Variants in HEG1 observed in about 807,000 individuals in gnomAD.
HEG1 encodes the protein protein HEG homolog 1.
HEG1 carries 56 observed loss-of-function variants against 125.6 expected under a neutral mutation model. The ratio of observed to expected loss-of-function variants is 0.45; its 90% CI spans 0.36 to 0.56. The LOEUF is 0.56. HEG1 is among the 20% of genes least tolerant of loss of function. HEG1 has a pLI of 0.00. For synonymous variants in HEG1, 644 were observed against 668.5 expected (o/e 0.96, Z 0.57); for missense variants, 1,523 against 1,670.0 (o/e 0.91, Z 1.53).
intron 14 of HEG1, among the ~76,000 whole-genome samples, chr3:124,981,858 A>G (rs1001345454): frequency 2.2e-4 from 33 of 152,114 alleles, no homozygotes; most frequent in African/African-American, 6.0e-4. Context: ...ATATGCACAC[A>G]CACACACACA....
chr3:125,008,996 G>T (rs887775286), intron 8 of HEG1, among the ~76,000 whole-genome samples: 1 of 152,212 alleles, frequency 6.6e-6, no homozygotes, highest in Non-Finnish European at 1.5e-5. Flanking sequence ...AACCCGTTAC[G>T]TAAGCTTGGC....
chr3:124,994,371 C>T (rs1300996955), intron 12 of HEG1, among the ~76,000 whole-genome samples: 2 of 152,202 alleles, frequency 1.3e-5, no homozygotes, highest in African/African-American at 4.8e-5. Flanking sequence ...GGTATTCTGA[C>T]CACAGAGCAC....
chr3:125,050,350 G>A (rs1937777460), intron 1 of HEG1, among the ~76,000 whole-genome samples: 1 of 152,046 alleles, frequency 6.6e-6, no homozygotes, highest in Admixed American at 6.5e-5. Context: ...CACCATGTTG[G>A]CCAGGCTGGT....
intron 14 of HEG1, among the ~76,000 whole-genome samples, chr3:124,984,486 C>T (rs576780863): frequency 3.9e-5 from 6 of 152,248 alleles, no homozygotes; most frequent in Admixed American, 1.3e-4. Flanking sequence ...GGGCCAGGCA[C>T]GGTGGCTCAT....
chr3:125,036,568 C>T (rs974764049), intron 1 of HEG1, among the ~76,000 whole-genome samples: 5 of 152,154 alleles, frequency 3.3e-5, no homozygotes, highest in African/African-American at 1.2e-4. Context: ...GGGTAAATGT[C>T]TGCAGTGCCT....
Position 125,013,573 on chromosome 3 carries a change from G to C in HEG1, c.2006C>G (p.Ser669Cys). The change falls in exon 6 of 17, where the codon TCT becomes TGT. Residue 669 changes from serine (S) to cysteine (C), a missense_variant. Physicochemically the swap from Ser to Cys is moderately radical, Grantham distance 112. Coordinates refer to ENST00000311127, the MANE Select transcript of HEG1 (RefSeq NM_020733.2). Reference protein sequence around the residue: ...SSSSSSSSSSSSSSGPPLPLP... With the variant: ...SSSSSSSSSSCSSSGPPLPLP... ...AGGCAAAGGAGGCCCTGAAGAAGAA[G>C]AAGAGGAGGAGGAGGAAGAGGAGGA... The C allele has an allele frequency of 6.3e-7, 1 of 1,595,964 alleles. No homozygotes were observed. The highest frequency in any genetic ancestry group is 1.1e-5 in the South Asian group (1 of 88,940).
At chr3:125,030,726 C>G (rs931258813) in intron 1 of HEG1, among the ~76,000 whole-genome samples, 4 of 152,138 alleles carry the variant, frequency 2.6e-5, no homozygotes, top group African/African-American at 9.7e-5. Context: ...TCCTCTTATA[C>G]TTCCCATTTT....
intron 4 of HEG1, among the ~76,000 whole-genome samples, chr3:125,020,583 T>C (rs1468344555): frequency 6.6e-6 from 1 of 152,164 alleles, no homozygotes; most frequent in Non-Finnish European, 1.5e-5. Flanking sequence ...CTCAGAGCCG[T>C]AGTTTTCTCA....
At chr3:124,970,974 C>A in intron 16 of HEG1, 173 bp from the exon 17 acceptor site, 1 of 654,328 alleles carries the variant, frequency 1.5e-6, no homozygotes, top group Non-Finnish European at 2.6e-6. Flanking sequence ...CTCTGGAGCA[C>A]AACCCACTTT....
At chr3:125,040,763 G>A (rs983022279) in intron 1 of HEG1, among the ~76,000 whole-genome samples, 1 of 151,410 alleles carries the variant, frequency 6.6e-6, no homozygotes, top group Non-Finnish European at 1.5e-5. Flanking sequence ...TCCCCTTTGA[G>A]TATGATGGAT....
At chr3:125,021,497 C>T (rs1937335716) in intron 3 of HEG1, among the ~76,000 whole-genome samples, 3 of 152,282 alleles carry the variant, frequency 2.0e-5, no homozygotes, top group South Asian at 2.1e-4. Context: ...TTATTTTGTT[C>T]TGCTTTGTTT....
chr3:125,005,274 G>C lies in HEG1; in HGVS notation c.3288C>G (p.Ile1096Met). The change falls in exon 9 of 17, where the codon ATC (isoleucine) becomes ATG (methionine). Residue 1096 changes from isoleucine to methionine, a missense_variant. Physicochemically the swap from Ile to Met is conservative, Grantham distance 10. Coordinates refer to ENST00000311127, the MANE Select transcript of HEG1 (RefSeq NM_020733.2). ...CATTCAGGACACTTACCGTTTTGGTGATCTCATTTTCAACTTCTTGTAGGT... is the reference window on the plus strand; with the variant it reads ...CATTCAGGACACTTACCGTTTTGGTCATCTCATTTTCAACTTCTTGTAGGT... ...HSDLQEVENE[I>M]TKTLNMCFSA... 1 of 1,582,638 alleles carries C rather than the reference G, an allele frequency of 6.3e-7. No homozygotes were observed.
At chr3:124,994,470 T>C (rs1215230747) in intron 12 of HEG1, among the ~76,000 whole-genome samples, 1 of 152,098 alleles carries the variant, frequency 6.6e-6, no homozygotes, top group Non-Finnish European at 1.5e-5. Context: ...ATTCAAGTCT[T>C]CTGGACTTAA....
chr3:125,051,228 T>G (rs544545956), intron 1 of HEG1, among the ~76,000 whole-genome samples: 1 of 152,184 alleles, frequency 6.6e-6, no homozygotes, highest in Admixed American at 6.5e-5. Flanking sequence ...TTTTAAAAAA[T>G]TTTTACTCAA....
In HEG1 at chr3:124,970,513, C is replaced by A. The variant is rs530223710; in HGVS notation, c.*139G>T. On this transcript the variant is annotated 3_prime_UTR_variant, in exon 17 of 17. Coordinates refer to ENST00000311127, the MANE Select transcript of HEG1 (RefSeq NM_020733.2). ...ACCTGTCTCCTCCACTGTGGTCACGCCCCGCATGCCTGTCCCTCTTCCTGC... is the reference window on the plus strand; with the variant it reads ...ACCTGTCTCCTCCACTGTGGTCACGACCCGCATGCCTGTCCCTCTTCCTGC... The A allele has an allele frequency of 8.8e-6, 6 of 684,520 alleles. No individual in the cohort carries two copies. Among genetic ancestry groups the A allele is most frequent in the South Asian group, 1.9e-5 (1 of 52,320 alleles). 42.4% of individuals were successfully genotyped at this position (684,520 alleles called of 1,614,324 possible).
chr3:124,988,693 C>A (rs534744175), intron 14 of HEG1, among the ~76,000 whole-genome samples: 65 of 152,222 alleles, frequency 4.3e-4, no homozygotes, highest in African/African-American at 1.6e-3. Flanking sequence ...CCGAGGTGGG[C>A]GGATTACAAG....
At chr3:125,041,908 G>T (rs72980440) in intron 1 of HEG1, among the ~76,000 whole-genome samples, 14,725 of 152,172 alleles carry the variant, frequency 0.097, 1,637 homozygotes, top group African/African-American at 0.27. Flanking sequence ...CAAAATCACA[G>T]AGACAGAAAG....
chr3:124,980,992 C>T (rs573869749), intron 14 of HEG1, among the ~76,000 whole-genome samples: 1 of 151,750 alleles, frequency 6.6e-6, no homozygotes, highest in Admixed American at 6.6e-5. Context: ...GCAGCTGGGA[C>T]CACGGGCGCA....
Position 124,970,793 on chromosome 3 carries a change from AC to A in HEG1, c.4004del (p.Ser1335MetfsTer2), listed in dbSNP as rs1439745408. 6.2e-7 allele frequency: 1 copy of A among 1,605,442 alleles called. No homozygotes were observed. Among genetic ancestry groups the A allele is most frequent in the South Asian group, 1.1e-5 (1 of 88,542 alleles). ...QMTDVYYSPT[S>X]VRNPELERNG... ...TTCGTTCAAGTTCTGGATTCCTTAC[AC>A]TTGTAGGCTGGTTGCCAAAGAGAAA... On this transcript the variant is annotated frameshift_variant, in exon 17 of 17. Transcript: ENST00000311127. LOFTEE classifies it high-confidence loss of function.
Sources: allele counts gnomAD v4.1 joint callset (sites outside exome capture counted in the v4.1 genomes callset), GRCh38; gene constraint gnomAD v4.1.1; transcripts MANE v1.5; gene names NCBI Gene and HGNC (gene_info 2026-07-23, HGNC 2026-07-21).